Variants in RFC1 observed in about 807,000 individuals in gnomAD.
RFC1 encodes A1 140 kDa subunit.
RFC1 carries 37 observed loss-of-function variants against 137.4 expected under a neutral mutation model. The observed-to-expected ratio is 0.27, with a 90% CI of 0.21 to 0.35. RFC1 has a LOEUF of 0.35. Among genes scored for constraint, RFC1 ranks in the 10% least tolerant of loss-of-function variants. The pLI is 1.00. For missense variants in RFC1, 1,205 were observed against 1,358.5 expected (o/e 0.89, Z 1.78); for synonymous variants, 429 against 455.7 (o/e 0.94, Z 0.75).
intron 1 of RFC1, among the ~76,000 whole-genome samples, chr4:39,365,169 A>C (rs971910282): frequency 3.3e-5 from 5 of 151,152 alleles, no homozygotes; most frequent in Non-Finnish European, 7.4e-5. Context: ...AAAAAAAAAA[A>C]AAAAAAACCA....
intron 2 of RFC1, among the ~76,000 whole-genome samples, chr4:39,350,735 A>C (rs957841028): frequency 2.0e-5 from 3 of 152,244 alleles, no homozygotes; most frequent in Admixed American, 2.0e-4. Context: ...AAAAAATGCT[A>C]AACAAAATTC....
intron 14 of RFC1, 93 bp downstream of exon 14, chr4:39,306,499 C>CAA: frequency 1.5e-6 from 1 of 685,084 alleles, no homozygotes; most frequent in South Asian, 1.7e-5. Context: ...CACACACACA[C>CAA]ATGCACACGC....
At chr4:39,311,270 A>G (rs1401205339) in intron 12 of RFC1, among the ~76,000 whole-genome samples, 175 bp downstream of exon 12, 1 of 152,200 alleles carries the variant, frequency 6.6e-6, no homozygotes. Context: ...GAAAAACAAC[A>G]AAGTAGACAT....
In RFC1 at chr4:39,293,416, T is replaced by C. The variant is rs17288743; in HGVS notation, c.2955-1564A>G. 2.0e-4 allele frequency among the ~76,000 whole-genome samples: 30 copies of C among 152,312 alleles called. No individual in the cohort carries two copies. In the Middle Eastern group the frequency reaches 0.01, roughly 52 times the overall value. ...TAAAAGTGTTTTCTTTGTGGATCTG[T>C]GCATTGTCAGGGGAATAAAAATCAA... On this transcript the variant is annotated intron_variant, in intron 22 of 24. Transcript: ENST00000349703.
chr4:39,336,959 AT>A (rs1740382719), intron 4 of RFC1, among the ~76,000 whole-genome samples: 1 of 152,270 alleles, frequency 6.6e-6, no homozygotes, highest in Non-Finnish European at 1.5e-5. Flanking sequence ...AATCTATCAA[AT>A]TTATAGAAGA....
intron 2 of RFC1, among the ~76,000 whole-genome samples, chr4:39,346,081 A>G (rs920998625): frequency 6.6e-6 from 1 of 152,254 alleles, no homozygotes; most frequent in Admixed American, 6.5e-5. Context: ...GAATAAAAGG[A>G]TATCAGATAT....
chr4:39,340,378 T>G (rs1740555405), intron 4 of RFC1, among the ~76,000 whole-genome samples: 1 of 152,200 alleles, frequency 6.6e-6, no homozygotes, highest in Non-Finnish European at 1.5e-5. Flanking sequence ...AGTTTTAGAT[T>G]AGAATTTTTA....
At chr4:39,292,862 G>A (rs1449880052) in intron 22 of RFC1, among the ~76,000 whole-genome samples, 1 of 151,736 alleles carries the variant, frequency 6.6e-6, no homozygotes, top group African/African-American at 2.4e-5. Context: ...TGCCCAGGCT[G>A]GTCTCAAACT....
chr4:39,296,842 T>G (rs1268088903), intron 21 of RFC1, among the ~76,000 whole-genome samples: 7 of 149,382 alleles, frequency 4.7e-5, no homozygotes, highest in African/African-American at 1.7e-4. Flanking sequence ...ACTTCCACAA[T>G]GGTTGAACTA....
intron 13 of RFC1, 55 bp from the exon 14 acceptor site, chr4:39,306,756 C>T (rs1349359865): frequency 1.0e-6 from 1 of 988,696 alleles, no homozygotes; most frequent in Non-Finnish European, 1.6e-6. Flanking sequence ...AACAGAAATT[C>T]AAGCATGGCA....
intron 1 of RFC1, among the ~76,000 whole-genome samples, chr4:39,356,204 G>A (rs1172952271): frequency 6.6e-6 from 1 of 151,792 alleles, no homozygotes; most frequent in African/African-American, 2.4e-5. Context: ...TTCCAGACTG[G>A]CCTGGCCAAC....
At chr4:39,316,855 A>G in intron 10 of RFC1, 60 bp downstream of exon 10, 1 of 969,368 alleles carries the variant, frequency 1.0e-6, no homozygotes, top group East Asian at 2.4e-5. Flanking sequence ...TCGTGAATAC[A>G]TACATGGACC....
In RFC1 at chr4:39,366,261, CGCTG is replaced by C; in HGVS notation, c.-24_-21del. ...CACCATCGCAGCCCCAGGATGAAGG[CGCTG>C]GCTGGCTGGCGGGTGGGCCGGTTGA... is the stretch of plus-strand genomic sequence containing the variant. On this transcript the variant is annotated 5_prime_UTR_variant, in exon 1 of 25. Transcript: ENST00000349703. The C allele has an allele frequency of 6.5e-7, 1 of 1,536,798 alleles. No homozygotes were observed. Among genetic ancestry groups the C allele is most frequent in the Non-Finnish European group, 8.8e-7 (1 of 1,141,170 alleles).
chr4:39,315,231 G>A (rs1250847131), intron 10 of RFC1, among the ~76,000 whole-genome samples: 1 of 152,174 alleles, frequency 6.6e-6, no homozygotes, highest in East Asian at 1.9e-4. Context: ...ACAATTTCCG[G>A]TCTTCCCTTA....
intron 6 of RFC1, among the ~76,000 whole-genome samples, chr4:39,325,964 A>G (rs1020598828): frequency 1.3e-5 from 2 of 152,102 alleles, no homozygotes; most frequent in Non-Finnish European, 2.9e-5. Context: ...GGTGGCTCAC[A>G]CCTGTAATCC....
intron 10 of RFC1, among the ~76,000 whole-genome samples, chr4:39,313,760 T>C (rs1349636987): frequency 6.6e-6 from 1 of 152,188 alleles, no homozygotes; most frequent in African/African-American, 2.4e-5. Context: ...GCTAAGCAAG[T>C]GTGAGCTCGT....
At chr4:39,299,454 A>T (rs1192161425) in intron 21 of RFC1, among the ~76,000 whole-genome samples, 3 of 151,926 alleles carry the variant, frequency 2.0e-5, no homozygotes, top group Admixed American at 2.0e-4. Flanking sequence ...GCTACTAAAA[A>T]TACAAAAAAT....
intron 4 of RFC1, among the ~76,000 whole-genome samples, chr4:39,332,220 C>T (rs752586887): frequency 8.5e-5 from 13 of 152,090 alleles, no homozygotes; most frequent in Non-Finnish European, 1.8e-4. Flanking sequence ...CCCTTTTCTC[C>T]GTCTAATGTT....
intron 4 of RFC1, among the ~76,000 whole-genome samples, chr4:39,328,725 G>A (rs892319436): frequency 6.6e-6 from 1 of 152,148 alleles, no homozygotes; most frequent in Non-Finnish European, 1.5e-5. Context: ...CTTTATTATA[G>A]AACGGGAATC....
Sources: allele counts gnomAD v4.1 joint callset (sites outside exome capture counted in the v4.1 genomes callset), GRCh38; gene constraint gnomAD v4.1.1; transcripts MANE v1.5; gene names NCBI Gene and HGNC (gene_info 2026-07-23, HGNC 2026-07-21).